CDK12: variants seen among roughly 807,000 people sequenced by gnomAD.
CDK12 encodes cyclin dependent kinase 12, also known as cyclin-dependent kinase 12.
CDK12 carries 17 observed loss-of-function variants against 133.8 expected under a neutral mutation model. The ratio of observed to expected loss-of-function variants is 0.13; its 90% CI spans 0.09 to 0.19. CDK12 has a LOEUF of 0.19. Ranked by LOEUF, CDK12 falls within the 10% of genes least tolerant of loss-of-function variation. CDK12 has a pLI of 1.00. For synonymous variants in CDK12, 694 were observed against 683.6 expected (o/e 1.02, Z -0.24); for missense variants, 1,508 against 1,818.7 (o/e 0.83, Z 3.11).
rs140460717 is a variant in CDK12, at chr17:39,481,281, A to G, written c.1932-9276A>G. Among the ~76,000 whole-genome samples, 815 of 149,430 alleles carry G rather than the reference A, an allele frequency of 5.5e-3. 5 individuals are homozygous for G. The highest frequency in any genetic ancestry group is 8.4e-3 in the Non-Finnish European group (566 of 67,262). ...AAAAAAAAAGAAAAAAAAAAAAGAA[A>G]TTTCAGTTAACCATATAGAATTTTT... On this transcript the variant is annotated intron_variant, in intron 2 of 13. Coordinates refer to ENST00000447079, the MANE Select transcript of CDK12 (RefSeq NM_016507.4).
At chr17:39,523,825 T>G (rs182340146) in intron 11 of CDK12, among the ~76,000 whole-genome samples, 3 of 152,176 alleles carry the variant, frequency 2.0e-5, no homozygotes, top group African/African-American at 4.8e-5. Flanking sequence ...GGCTAATTTT[T>G]GTATTTTTAG....
At position 39,490,568 on chromosome 17, in the gene CDK12, C is replaced by T. The variant is rs2051510706; in HGVS notation, c.1943C>T (p.Thr648Ile). Residue 648 changes from threonine (T) to isoleucine (I), a missense_variant, in exon 3 of 14, where the codon ACT becomes ATT. Transcript: ENST00000447079. The stretch of plus-strand genomic sequence containing the variant: ...CATTTATTGTTTAGTCCAAAAGAAA[C>T]TCTTCCTTCAAAACCTGTGAAGAAA... Reference protein sequence around the residue: ...GDDDMDSPKETLPSKPVKKEK... With the variant: ...GDDDMDSPKEILPSKPVKKEK... 1 of 1,607,970 alleles carries T rather than the reference C, an allele frequency of 6.2e-7. No individual in the cohort carries two copies. The highest frequency in any genetic ancestry group is 8.5e-7 in the Non-Finnish European group (1 of 1,177,320).
chr17:39,494,606 C>A lies in CDK12; in HGVS notation c.2331C>A (p.Ile777=). 12 of 1,613,004 alleles carry A rather than the reference C, an allele frequency of 7.4e-6. No individual in the cohort carries two copies. Among genetic ancestry groups the A allele is most frequent in the Non-Finnish European group, 1.0e-5 (12 of 1,179,274 alleles). The part of the protein sequence containing the change: ...FPITAIREIK[I]LRQLIHRSVV... The stretch of plus-strand genomic sequence containing the variant: ...TCACAGCCATTCGTGAAATCAAAAT[C>A]CTTCGTCAGTTAATCCACCGAAGTG... Residue 777 remains isoleucine (I), a synonymous_variant, in exon 5 of 14, where the codon ATC becomes ATA. Coordinates refer to ENST00000447079, the MANE Select transcript of CDK12 (RefSeq NM_016507.4).
intron 3 of CDK12, among the ~76,000 whole-genome samples, chr17:39,560,046 C>A (rs1016457010): frequency 2.0e-5 from 3 of 152,102 alleles, no homozygotes; most frequent in African/African-American, 7.2e-5. Context: ...GTGTTTCTGC[C>A]TTAGACTCTC....
chr17:39,535,417 T>G (rs1015471221), downstream of CDK12, among the ~76,000 whole-genome samples: 4 of 152,206 alleles, frequency 2.6e-5, no homozygotes, highest in African/African-American at 9.6e-5. Flanking sequence ...TTAAGTGGTG[T>G]TCCCTTTCCT....
At chr17:39,507,729 A>G (rs2053226968) in intron 6 of CDK12, among the ~76,000 whole-genome samples, 3 of 152,192 alleles carry the variant, frequency 2.0e-5, no homozygotes, top group East Asian at 1.9e-4. Context: ...CAGTCCTACT[A>G]TGTGCCTTGA....
intron 2 of CDK12, among the ~76,000 whole-genome samples, chr17:39,476,746 A>C (rs1315455723): frequency 2.2e-3 from 13 of 5,850 alleles, no homozygotes; most frequent in African/African-American, 4.3e-3. Context: ...TTTTTGAGAC[A>C]GAGTTCTGCT....
At chr17:39,488,333 G>T (rs1344261583) in intron 2 of CDK12, among the ~76,000 whole-genome samples, 1 of 152,086 alleles carries the variant, frequency 6.6e-6, no homozygotes, top group Non-Finnish European at 1.5e-5. Context: ...TGATTACTGG[G>T]AGAGGCTTCT....
At chr17:39,493,209 T>C (rs1391516480) in intron 4 of CDK12, among the ~76,000 whole-genome samples, 1 of 150,112 alleles carries the variant, frequency 6.7e-6, no homozygotes, top group African/African-American at 2.4e-5. Flanking sequence ...CACTATGTCG[T>C]CCAGGCTGGT....
intron 5 of CDK12, among the ~76,000 whole-genome samples, chr17:39,499,313 T>C (rs181629960): frequency 1.3e-5 from 2 of 150,168 alleles, no homozygotes; most frequent in African/African-American, 4.9e-5. Context: ...GTTCAAGCGA[T>C]TGTCATGCCT....
intron 1 of CDK12, among the ~76,000 whole-genome samples, chr17:39,470,002 A>G (rs752169713): frequency 7.2e-5 from 11 of 152,194 alleles, no homozygotes; most frequent in Non-Finnish European, 1.6e-4. Flanking sequence ...GAAAGTAATC[A>G]TTGTGAGTAT....
rs112226328 is a variant in CDK12 at position 39,481,465 on chromosome 17, C to T, written c.1932-9092C>T. Among the ~76,000 whole-genome samples, 63 of 151,160 alleles carry T rather than the reference C, an allele frequency of 4.2e-4. 1 individual carries two copies. The highest frequency in any genetic ancestry group is 3.4e-3 in the Middle Eastern group (1 of 294). ...TGGGACTACAATCACAAGCCATGCC[C>T]GGCTGTTTTTTTTTTTACATTTTTG... is the stretch of plus-strand genomic sequence containing the variant. On this transcript the variant is annotated intron_variant, in intron 2 of 13. Coordinates refer to ENST00000447079, the MANE Select transcript of CDK12 (RefSeq NM_016507.4).
Position 39,490,699 on chromosome 17 carries a change from ACAC to A in CDK12, c.2079_2081del (p.Pro694del), listed in dbSNP as rs749507240. On this transcript the variant is annotated inframe_deletion, in exon 3 of 14. Transcript: ENST00000447079. ...AGACTCTCCAGAACCAAAGGCAATC[ACAC>A]CACCTCAGCAACCATATAAAAAGAG... 21 of 1,613,028 alleles carry A rather than the reference ACAC, an allele frequency of 1.3e-5. No individual in the cohort carries two copies. The South Asian group carries it at 2.1e-4, about 16-fold the overall frequency.
At chr17:39,507,364 A>C (rs1291292510) in intron 6 of CDK12, among the ~76,000 whole-genome samples, 2 of 151,084 alleles carry the variant, frequency 1.3e-5, no homozygotes, top group African/African-American at 2.4e-5. Context: ...AGGCAGGCGG[A>C]TCACCTGAGG....
intron 6 of CDK12, among the ~76,000 whole-genome samples, chr17:39,504,733 G>T (rs1215649296): frequency 6.6e-6 from 1 of 151,780 alleles, no homozygotes; most frequent in Non-Finnish European, 1.5e-5. Flanking sequence ...ACAAAAATTA[G>T]CTGAGCTTGG....
At chr17:39,503,828 G>A (rs1465272440) in intron 6 of CDK12, among the ~76,000 whole-genome samples, 2 of 152,172 alleles carry the variant, frequency 1.3e-5, no homozygotes, top group East Asian at 1.9e-4. Context: ...GGAAGAGAGC[G>A]AACAGGTGGC....
At chr17:39,495,481 T>TAGA (rs199623221) in intron 5 of CDK12, among the ~76,000 whole-genome samples, 2 of 143,614 alleles carry the variant, frequency 1.4e-5, no homozygotes, top group African/African-American at 2.6e-5. Flanking sequence ...ACTGAAAATA[T>TAGA]AGAAGAAGAA....
At chr17:39,535,120 C>T (rs1436036584), downstream of CDK12, 1 of 152,186 alleles carries the variant, frequency 6.6e-6, no homozygotes, top group African/African-American at 2.4e-5. Flanking sequence ...CCATCTCCAC[C>T]TGAAGACAGA....
At chr17:39,520,125 C>G in intron 11 of CDK12, 38 bp downstream of exon 11, 2 of 1,610,890 alleles carry the variant, frequency 1.2e-6, no homozygotes, top group South Asian at 2.2e-5. Context: ...CTAAATCTTT[C>G]CCTGGGCCTT....
Sources: gnomAD v4.1 joint callset for allele counts (sites outside exome capture counted in the v4.1 genomes callset) on GRCh38, gnomAD v4.1.1 for gene constraint, MANE v1.5 for transcripts, NCBI Gene and HGNC (gene_info 2026-07-23, HGNC 2026-07-21) for gene names.